The following SLC39A11 variants were observed in gnomAD, a reference collection of about 807,000 sequenced individuals.
SLC39A11 encodes solute carrier family 39 member 11, also known as zinc transporter ZIP11.
SLC39A11 carries 33 observed loss-of-function variants against 36.1 expected under a neutral mutation model. That is an observed-to-expected ratio of 0.91 (90% CI 0.69 to 1.22). The LOEUF (loss-of-function observed/expected upper bound fraction) is 1.22. Among genes scored for constraint, SLC39A11 ranks in the 50% most tolerant of loss-of-function variants. The pLI is 0.00. For synonymous variants in SLC39A11, 166 were observed against 170.3 expected (o/e 0.97, Z 0.20); for missense variants, 432 against 430.3 (o/e 1.00, Z -0.03).
rs117572337 is a variant in SLC39A11 at position 72,989,117 on chromosome 17, C to T, written c.307-41242G>A. Among the ~76,000 whole-genome samples, 120 of 152,318 alleles carry T rather than the reference C, an allele frequency of 7.9e-4. 1 individual carries two copies. The East Asian group carries it at 0.021, about 27-fold the overall frequency. ...AATGTGAACGTATTTATTAACACTA[C>T]TGAACTGTGCACGTAAAAATGGTTA... is the stretch of plus-strand genomic sequence containing the variant. On this transcript the variant is annotated intron_variant, in intron 4 of 9. Transcript: ENST00000255559.
At chr17:73,060,591 G>A (rs752834796) in intron 3 of SLC39A11, among the ~76,000 whole-genome samples, 3 of 152,072 alleles carry the variant, frequency 2.0e-5, no homozygotes, top group Non-Finnish European at 4.4e-5. Context: ...AATTAACTTT[G>A]GGATTCTCTT....
intron 7 of SLC39A11, among the ~76,000 whole-genome samples, chr17:72,699,054 C>T (rs1339766567): frequency 6.6e-6 from 1 of 152,146 alleles, no homozygotes; most frequent in Non-Finnish European, 1.5e-5. Flanking sequence ...TGGTCTCGAT[C>T]TCCTGACCTT....
At chr17:72,799,229 T>C (rs1469745109) in intron 6 of SLC39A11, among the ~76,000 whole-genome samples, 1 of 152,236 alleles carries the variant, frequency 6.6e-6, no homozygotes, top group African/African-American at 2.4e-5. Flanking sequence ...TATGCCTGTC[T>C]TGTCTTTAAT....
intron 7 of SLC39A11, among the ~76,000 whole-genome samples, chr17:72,693,401 C>T (rs2072125006): frequency 1.3e-5 from 2 of 152,334 alleles, no homozygotes; most frequent in South Asian, 4.1e-4. Flanking sequence ...CAGTGCTGCC[C>T]TCTCTTTAGA....
chr17:72,985,614 T>A (rs1163365110), intron 4 of SLC39A11, among the ~76,000 whole-genome samples: 1 of 152,150 alleles, frequency 6.6e-6, no homozygotes, highest in African/African-American at 2.4e-5. Context: ...GGTTTCGCCA[T>A]GTTGGCCAGG....
intron 6 of SLC39A11, chr17:72,819,087 C>T (rs772678670): frequency 1.3e-5 from 2 of 151,508 alleles, no homozygotes; most frequent in Non-Finnish European, 3.0e-5. Flanking sequence ...AATATGTGAA[C>T]GTCCCAACTC....
At chr17:72,824,351 A>G (rs1461647164) in intron 6 of SLC39A11, among the ~76,000 whole-genome samples, 2 of 151,420 alleles carry the variant, frequency 1.3e-5, no homozygotes, top group Admixed American at 6.6e-5. Flanking sequence ...CTCCCCAGCC[A>G]TGCTACCTGT....
intron 6 of SLC39A11, among the ~76,000 whole-genome samples, chr17:72,760,353 C>T (rs1480896908): frequency 6.6e-6 from 1 of 152,222 alleles, no homozygotes; most frequent in Non-Finnish European, 1.5e-5. Flanking sequence ...TTAGCATAGG[C>T]TATTTAGAAA....
intron 5 of SLC39A11, among the ~76,000 whole-genome samples, chr17:72,851,034 GGACA>G (rs1257553768): frequency 6.6e-6 from 1 of 151,916 alleles, no homozygotes; most frequent in African/African-American, 2.4e-5. Context: ...GGAAGCGGCT[GGACA>G]GACAATCAGA....
intron 5 of SLC39A11, among the ~76,000 whole-genome samples, chr17:72,860,720 G>A (rs769426955): frequency 2.0e-5 from 3 of 152,094 alleles, no homozygotes; most frequent in East Asian, 1.9e-4. Flanking sequence ...GAGGACTATC[G>A]GTGTCATTGC....
At chr17:72,962,471 T>C (rs1389724847) in intron 4 of SLC39A11, among the ~76,000 whole-genome samples, 1 of 152,208 alleles carries the variant, frequency 6.6e-6, no homozygotes, top group Non-Finnish European at 1.5e-5. Context: ...CCCTATTTTC[T>C]TGCTGGCTTC....
chr17:72,940,523 G>C (rs902418466), intron 5 of SLC39A11, among the ~76,000 whole-genome samples: 1 of 152,202 alleles, frequency 6.6e-6, no homozygotes, highest in East Asian at 1.9e-4. Context: ...TGGTCCACCT[G>C]CCTCGGCCTC....
At chr17:73,033,694 A>ACGG (rs751186933) in intron 3 of SLC39A11, among the ~76,000 whole-genome samples, 1 of 152,232 alleles carries the variant, frequency 6.6e-6, no homozygotes, top group Non-Finnish European at 1.5e-5. Flanking sequence ...TCGTAACTAT[A>ACGG]CGGCAGTCAT....
chr17:73,009,616 T>C (rs1434239393), intron 4 of SLC39A11, among the ~76,000 whole-genome samples: 3 of 152,072 alleles, frequency 2.0e-5, no homozygotes, highest in African/African-American at 7.2e-5. Context: ...GGGGGGGTGA[T>C]GAAAATGTGT....
At chr17:72,894,557 C>T (rs555960590) in intron 5 of SLC39A11, among the ~76,000 whole-genome samples, 1 of 148,156 alleles carries the variant, frequency 6.7e-6, no homozygotes, top group Non-Finnish European at 1.5e-5. Flanking sequence ...GTATTTCCAG[C>T]TACTTGGGAG....
chr17:72,902,473 C>T (rs2082444506), intron 5 of SLC39A11, among the ~76,000 whole-genome samples: 1 of 152,206 alleles, frequency 6.6e-6, no homozygotes, highest in South Asian at 2.1e-4. Flanking sequence ...CTACTGACGC[C>T]ATGATTTCAG....
intron 5 of SLC39A11, among the ~76,000 whole-genome samples, chr17:72,932,301 A>T (rs2084450402): frequency 1.3e-5 from 2 of 151,292 alleles, no homozygotes; most frequent in Admixed American, 6.6e-5. Flanking sequence ...TTTTATTATT[A>T]TTATTATTAT....
intron 6 of SLC39A11, among the ~76,000 whole-genome samples, chr17:72,758,679 A>G (rs992093321): frequency 6.6e-6 from 1 of 152,204 alleles, no homozygotes; most frequent in Non-Finnish European, 1.5e-5. Flanking sequence ...CAGGAGATAA[A>G]CAATGGCAAA....
chr17:73,022,862 T>G (rs2058398952), intron 4 of SLC39A11, among the ~76,000 whole-genome samples: 1 of 152,044 alleles, frequency 6.6e-6, no homozygotes. Context: ...GAAGGGCCTG[T>G]GGCTTCAGTG....
Sources: allele counts gnomAD v4.1 joint callset (sites outside exome capture counted in the v4.1 genomes callset), GRCh38; gene constraint gnomAD v4.1.1; transcripts MANE v1.5; gene names NCBI Gene and HGNC (gene_info 2026-07-23, HGNC 2026-07-21).